Variants in NUTM1 observed in about 807,000 individuals in gnomAD.
NUTM1 encodes NUT family member 1.
In NUTM1, 39 loss-of-function variants were observed where a neutral mutation model predicts 88.7. That is an observed-to-expected ratio of 0.44 (90% CI 0.34 to 0.57). The LOEUF is 0.57. NUTM1 is among the 20% of genes least tolerant of loss of function. The pLI is 0.01. For synonymous variants in NUTM1, 494 were observed against 538.0 expected (o/e 0.92, Z 1.13); for missense variants, 1,350 against 1,414.5 (o/e 0.95, Z 0.73).
At chr15:34,350,853 T>C in intron 4 of NUTM1, 21 bp downstream of exon 4, 1 of 1,613,652 alleles carries the variant, frequency 6.2e-7, no homozygotes, top group Non-Finnish European at 8.5e-7. Context: ...TGAACCTTCA[T>C]TCTCCTGAGG....
intron 6 of NUTM1, 37 bp from the exon 7 acceptor site, chr15:34,354,984 C>T: frequency 6.7e-7 from 1 of 1,484,288 alleles, no homozygotes; most frequent in Non-Finnish European, 9.4e-7. Flanking sequence ...AGGTTACCTG[C>T]TTACAGACTT....
chr15:34,357,503 A>G lies in NUTM1; in HGVS notation c.*12A>G. On this transcript the variant is annotated 3_prime_UTR_variant, in exon 8 of 8. Transcript: ENST00000537011. ...GTCGTAGCCAGTAGGGAGCAGCGGG[A>G]CCATCTGACCCCACTTGCCAGTCCC... The G allele has an allele frequency of 6.2e-7, 1 of 1,612,398 alleles. No individual in the cohort carries two copies. The highest frequency in any genetic ancestry group is 1.1e-5 in the South Asian group (1 of 90,888).
In NUTM1 at chr15:34,356,088, G is replaced by A; in HGVS notation, c.2080G>A (p.Gly694Ser). ...LGLQKGQQTG[G>S]RGVLPQGKEP... ...ATTGCAGAAAGGACAACAAACAGGG[G>A]GTCGTGGAGTGCTTCCTCAAGGGAA... Residue 694 changes from glycine (G) to serine (S), a missense_variant, in exon 8 of 8, where the codon GGT becomes AGT. Physicochemically the swap from Gly to Ser is moderately conservative, Grantham distance 56. Transcript: ENST00000537011. 1 of 1,613,642 alleles carries A rather than the reference G, an allele frequency of 6.2e-7. No homozygotes were observed. Among genetic ancestry groups the A allele is most frequent in the Non-Finnish European group, 8.5e-7 (1 of 1,179,614 alleles).
Position 34,348,359 on chromosome 15 carries a change from C to A in NUTM1, c.491C>A (p.Ala164Glu). 3 of 1,614,262 alleles carry A rather than the reference C, an allele frequency of 1.9e-6. No homozygotes were observed. Among genetic ancestry groups the A allele is most frequent in the Non-Finnish European group, 2.5e-6 (3 of 1,180,050 alleles). Reference protein sequence around the residue: ...LEGPAPPFVTASNVKTILPSK... With the variant: ...LEGPAPPFVTESNVKTILPSK... ...GGTCCTGCACCTCCATTTGTGACAG[C>A]ATCTAATGTGAAGACCATTCTGCCC... is the stretch of plus-strand genomic sequence containing the variant. Residue 164 changes from alanine (A) to glutamate (E), a missense_variant, in exon 3 of 8, where the codon GCA becomes GAA. Physicochemically the swap from Ala to Glu is moderately radical, Grantham distance 107. Coordinates refer to ENST00000537011, the MANE Select transcript of NUTM1 (RefSeq NM_001284292.2).
chr15:34,352,107 T>C (rs1435918002), intron 4 of NUTM1, among the ~76,000 whole-genome samples: 1 of 152,008 alleles, frequency 6.6e-6, no homozygotes, highest in Non-Finnish European at 1.5e-5. Context: ...GAGGCAGAGG[T>C]TGCGGTGAGC....
At chr15:34,346,173 T>C (rs1344724354) in intron 2 of NUTM1, 138 bp downstream of exon 2, 16 of 873,274 alleles carry the variant, frequency 1.8e-5, no homozygotes, top group Non-Finnish European at 2.8e-5. Flanking sequence ...GGGAAGGAGA[T>C]TGTACCTTTA....
At chr15:34,349,240 C>T (rs1334110582) in intron 3 of NUTM1, among the ~76,000 whole-genome samples, 1 of 152,194 alleles carries the variant, frequency 6.6e-6, no homozygotes, top group Non-Finnish European at 1.5e-5. Flanking sequence ...TGGTCAAGGG[C>T]ATGGCTCTAC....
rs1890687713 is a variant in NUTM1 at position 34,350,692 on chromosome 15, TG to T, written c.810-7del. ...CACTTTTAGAATGTGACTGACTCAA[TG>T]GGGGTTTTAGCCCAGTGCTTCGTTC... On this transcript the variant is annotated splice_polypyrimidine_tract_variant and intron_variant, in intron 3 of 7. Transcript: ENST00000537011. 6.2e-7 allele frequency: 1 copy of T among 1,609,762 alleles called. No homozygotes were observed. Among genetic ancestry groups the T allele is most frequent in the Non-Finnish European group, 8.5e-7 (1 of 1,178,964 alleles).
chr15:34,343,324 GC>G lies in NUTM1; in HGVS notation c.-372del. On this transcript the variant is annotated 5_prime_UTR_variant, in exon 1 of 8. Transcript: ENST00000537011. ...AACACGTGGAGTGTCCCTACTGTGTGCTAGGTACACGGCGTTAGAGGGGGGT... is the reference window on the plus strand; with the variant it reads ...AACACGTGGAGTGTCCCTACTGTGTGTAGGTACACGGCGTTAGAGGGGGGT... 2 of 632,910 alleles carry G rather than the reference GC, an allele frequency of 3.2e-6. No individual in the cohort carries two copies. The highest frequency in any genetic ancestry group is 5.7e-6 in the Non-Finnish European group (2 of 353,372). The allele number at this position is 632,910 out of a possible 1,614,324, so 39.2% of individuals were successfully genotyped here.
At chr15:34,354,895 G>A in intron 6 of NUTM1, 126 bp from the exon 7 acceptor site, 1 of 1,010,724 alleles carries the variant, frequency 9.9e-7, no homozygotes, top group Non-Finnish European at 1.5e-6. Context: ...AGCCGGTGGT[G>A]GTCAGTTTAC....
At chr15:34,352,040 CAT>C (rs1890719369) in intron 4 of NUTM1, among the ~76,000 whole-genome samples, 2 of 152,038 alleles carry the variant, frequency 1.3e-5, no homozygotes, top group Admixed American at 1.3e-4. Flanking sequence ...CATGGTGGCG[CAT>C]GCCTGTAATC....
chr15:34,351,067 A>T (rs1386241782), intron 4 of NUTM1, among the ~76,000 whole-genome samples: 1 of 151,702 alleles, frequency 6.6e-6, no homozygotes, highest in African/African-American at 2.4e-5. Context: ...AAAAAAAAAA[A>T]AAATACAAAA....
At position 34,357,680 on chromosome 15, in the gene NUTM1, C is replaced by T; in HGVS notation, c.*189C>T. On this transcript the variant is annotated 3_prime_UTR_variant, in exon 8 of 8. Transcript: ENST00000537011. ...ACTGGCTAGGCTGCAGGGGGAATTA[C>T]CTTTGGAAGGAGCTATATAGAAAAA... 9.5e-7 allele frequency: 1 copy of T among 1,053,728 alleles called. No individual in the cohort carries two copies. The highest frequency in any genetic ancestry group is 1.3e-5 in the South Asian group (1 of 77,542). The allele number at this position is 1,053,728 out of a possible 1,614,324, so 65.3% of individuals were successfully genotyped here.
At position 34,355,461 on chromosome 15, in the gene NUTM1, AACTG is replaced by A. The variant is rs780970802; in HGVS notation, c.1480-23_1480-20del. 1.3e-4 allele frequency: 202 copies of A among 1,613,586 alleles called. No homozygotes were observed. Among genetic ancestry groups the A allele is most frequent in the East Asian group, 1.3e-4 (6 of 44,898 alleles). ...CCACCTCTTTCACAACCACGTATAGAACTGACTATTTGTTCATTTCTTTCAGCTG... is the reference window on the plus strand; with the variant it reads ...CCACCTCTTTCACAACCACGTATAGAACTATTTGTTCATTTCTTTCAGCTG... On this transcript the variant is annotated intron_variant, in intron 7 of 7. Transcript: ENST00000537011. This position sits in a 1 kb window ranked among gnomAD's most constrained non-coding sequence, Gnocchi z 4.3.
At chr15:34,345,921 C>A in intron 1 of NUTM1, 21 bp from the exon 2 acceptor site, 1 of 1,613,734 alleles carries the variant, frequency 6.2e-7, no homozygotes, top group Non-Finnish European at 8.5e-7. Flanking sequence ...CCTTGGATCC[C>A]TGTGCACCTA....
rs770505100 is a variant in NUTM1 at position 34,355,622 on chromosome 15, C to T, written c.1614C>T (p.Pro538=). 5 of 1,612,514 alleles carry T rather than the reference C, an allele frequency of 3.1e-6. No homozygotes were observed. The highest frequency in any genetic ancestry group is 4.2e-6 in the Non-Finnish European group (5 of 1,179,306). ...EDEDGDGRLR[P]SPGLQGAGGA... is the part of the protein sequence containing the mutation. ...AAGATGGGGATGGGCGGCTTCGGCCCTCACCTGGGCTTCAGGGGGCTGGGG... is the reference window on the plus strand; with the variant it reads ...AAGATGGGGATGGGCGGCTTCGGCCTTCACCTGGGCTTCAGGGGGCTGGGG... Residue 538 remains proline (P), a synonymous_variant, in exon 8 of 8, where the codon CCC becomes CCT. Transcript: ENST00000537011. The surrounding 1 kb of genome is among the most constrained non-coding windows in gnomAD (Gnocchi z 4.3).
intron 3 of NUTM1, among the ~76,000 whole-genome samples, 188 bp from the exon 4 acceptor site, chr15:34,350,516 G>A (rs990177639): frequency 1.3e-5 from 2 of 152,140 alleles, no homozygotes; most frequent in Non-Finnish European, 2.9e-5. Context: ...ACAGGAAGAG[G>A]GGCGAGTATG....
chr15:34,348,603 G>A lies in NUTM1; in HGVS notation c.735G>A (p.Trp245Ter). 1 of 1,611,776 alleles carries A rather than the reference G, an allele frequency of 6.2e-7. No individual in the cohort carries two copies. The highest frequency in any genetic ancestry group is 8.5e-7 in the Non-Finnish European group (1 of 1,180,016). The change falls in exon 3 of 8, where the codon TGG becomes TGA. Residue 245 changes from tryptophan to a stop codon, truncating the protein, a stop_gained. Coordinates refer to ENST00000537011, the MANE Select transcript of NUTM1 (RefSeq NM_001284292.2). LOFTEE classifies it high-confidence loss of function. ...ACGTTTATGAGAACTTCCGTCAGTG[G>A]CAGCGTTACAAAGCCTTGGCCCGGA... ...SKDVYENFRQ[W>*]QRYKALARRH...
Position 34,348,593 on chromosome 15 carries a change from T to C in NUTM1, c.725T>C (p.Phe242Ser), listed in dbSNP as rs781194327. 1 of 1,612,626 alleles carries C rather than the reference T, an allele frequency of 6.2e-7. No homozygotes were observed. The highest frequency in any genetic ancestry group is 1.3e-5 in the African/African-American group (1 of 74,944). ...SKISKDVYENFRQWQRYKALA... is the reference protein window; with the variant it reads ...SKISKDVYENSRQWQRYKALA... Reference sequence around the variant, plus strand: ...ATTTCCAAGGACGTTTATGAGAACTTCCGTCAGTGGCAGCGTTACAAAGCC... The same window carrying C: ...ATTTCCAAGGACGTTTATGAGAACTCCCGTCAGTGGCAGCGTTACAAAGCC... The change falls in exon 3 of 8, where the codon TTC becomes TCC. Residue 242 changes from phenylalanine (F) to serine (S), a missense_variant. Transcript: ENST00000537011.
Sources: gnomAD v4.1 joint callset for allele counts (sites outside exome capture counted in the v4.1 genomes callset) on GRCh38, gnomAD v4.1.1 for gene constraint, Gnocchi (gnomAD v3.1) non-coding constraint, MANE v1.5 for transcripts, NCBI Gene and HGNC (gene_info 2026-07-23, HGNC 2026-07-21) for gene names.